The following ATXN2 variants were observed in gnomAD, a reference collection of about 807,000 sequenced individuals.
The protein encoded by ATXN2 is ataxin-2.
Under a neutral mutation model 138.6 loss-of-function variants are expected in ATXN2, and 37 were observed. The observed-to-expected ratio is 0.27, with a 90% confidence interval of 0.21 to 0.35. The LOEUF (loss-of-function observed/expected upper bound fraction) is 0.35. Ranked by LOEUF, ATXN2 falls within the 10% of genes least tolerant of loss-of-function variation. The pLI is 1.00. For synonymous variants in ATXN2, 549 were observed against 543.7 expected (o/e 1.01, Z -0.13); for missense variants, 1,216 against 1,480.3 (o/e 0.82, Z 2.93).
chr12:111,526,090 G>C (rs1880480285), intron 5 of ATXN2, among the ~76,000 whole-genome samples: 1 of 151,730 alleles, frequency 6.6e-6, no homozygotes, highest in African/African-American at 2.4e-5. Context: ...AGATGTGGTG[G>C]CTCATGCCTG....
chr12:111,528,792 G>T (rs1309993957), intron 5 of ATXN2, among the ~76,000 whole-genome samples: 1 of 152,148 alleles, frequency 6.6e-6, no homozygotes, highest in African/African-American at 2.4e-5. Context: ...TCAGGATGCT[G>T]AGAAAATCCC....
chr12:111,568,642 T>G (rs1260043903), intron 1 of ATXN2, among the ~76,000 whole-genome samples: 1 of 152,186 alleles, frequency 6.6e-6, no homozygotes, highest in African/African-American at 2.4e-5. Flanking sequence ...TTCTTGTTAG[T>G]TACCAACTTA....
At position 111,452,491 on chromosome 12, in the gene ATXN2, G is replaced by T; in HGVS notation, c.*321C>A. 5.5e-6 allele frequency: 1 copy of T among 183,036 alleles called. No homozygotes were observed. The allele number at this position is 183,036 out of a possible 1,614,324, so 11.3% of individuals were successfully genotyped here. On this transcript the variant is annotated 3_prime_UTR_variant, in exon 25 of 25. Coordinates refer to ENST00000673436, the MANE Select transcript of ATXN2 (RefSeq NM_001372574.1). ...AAGAATCACTCTTGTTACTTCTTTT[G>T]CTAGCTGATGTGTTCATGACTTTCA...
At chr12:111,543,570 A>T (rs1473234619) in intron 5 of ATXN2, among the ~76,000 whole-genome samples, 2 of 152,096 alleles carry the variant, frequency 1.3e-5, no homozygotes, top group Non-Finnish European at 2.9e-5. Flanking sequence ...AGTAGCTGGG[A>T]TTAGAGGCGC....
intron 18 of ATXN2, among the ~76,000 whole-genome samples, chr12:111,475,605 C>T (rs1876756687): frequency 6.7e-6 from 1 of 149,892 alleles, no homozygotes; most frequent in Non-Finnish European, 1.5e-5. Context: ...ATTCTTCTGC[C>T]TCAGTCTCCC....
intron 11 of ATXN2, chr12:111,512,451 C>CT (rs559068103): frequency 0.092 from 11,001 of 120,124 alleles, 1,837 homozygotes; most frequent in African/African-American, 0.31. Context: ...AGTTTTTAAA[C>CT]TTTTTTTTTT....
intron 2 of ATXN2, 42 bp downstream of exon 2, chr12:111,555,841 A>T: frequency 6.6e-7 from 1 of 1,524,580 alleles, no homozygotes; most frequent in Non-Finnish European, 8.9e-7. Context: ...ATCATGTTTT[A>T]GCTACTAATT....
intron 20 of ATXN2, 64 bp from the exon 21 acceptor site, chr12:111,464,779 A>C: frequency 2.4e-6 from 3 of 1,267,878 alleles, no homozygotes; most frequent in Admixed American, 1.8e-5. Flanking sequence ...AATTTTCTGG[A>C]AAGGTTGACA....
chr12:111,469,994 T>C, intron 20 of ATXN2, 114 bp downstream of exon 20: 5 of 1,246,068 alleles, frequency 4.0e-6, no homozygotes, highest in Non-Finnish European at 5.4e-6. Flanking sequence ...TCCTTCAGAT[T>C]CTTGACCCTC....
At chr12:111,463,818 G>A (rs1359596097) in intron 21 of ATXN2, among the ~76,000 whole-genome samples, 6 of 151,864 alleles carry the variant, frequency 4.0e-5, no homozygotes, top group African/African-American at 1.2e-4. Flanking sequence ...ACAGAATTTC[G>A]CTCTGCCACC....
chr12:111,598,516 G>A lies in ATXN2; in HGVS notation c.251+268C>T. Reference sequence around the variant, plus strand: ...AACCCCTCCCAACACGCGTGGGGAGGGGAGGCCGCCCGCTCCCTCCATCTT... The same window carrying A: ...AACCCCTCCCAACACGCGTGGGGAGAGGAGGCCGCCCGCTCCCTCCATCTT... On this transcript the variant is annotated intron_variant, in intron 1 of 24. Transcript: ENST00000673436. This position sits in a 1 kb window ranked among gnomAD's most constrained non-coding sequence, Gnocchi z 4.5. 4 of 984,600 alleles carry A rather than the reference G, an allele frequency of 4.1e-6. No homozygotes were observed. The highest frequency in any genetic ancestry group is 4.8e-6 in the Non-Finnish European group (4 of 829,714). 61.0% of individuals were successfully genotyped at this position (984,600 alleles called of 1,614,324 possible).
At chr12:111,546,509 T>C (rs1223151463) in intron 5 of ATXN2, among the ~76,000 whole-genome samples, 1 of 152,032 alleles carries the variant, frequency 6.6e-6, no homozygotes, top group African/African-American at 2.4e-5. Flanking sequence ...TCATCTAGGC[T>C]GAGAATACTG....
Position 111,470,696 on chromosome 12 carries a change from G to A in ATXN2, c.2571C>T (p.Ala857=), listed in dbSNP as rs765970147. The A allele has an allele frequency of 6.2e-7, 1 of 1,614,100 alleles. No homozygotes were observed. The highest frequency in any genetic ancestry group is 1.1e-5 in the South Asian group (1 of 91,080). ...CCGCTGCTGACGCTGGGTGCATCATGGCACTCTGATGATGCTGGTCTTGCC... is the reference window on the plus strand; with the variant it reads ...CCGCTGCTGACGCTGGGTGCATCATAGCACTCTGATGATGCTGGTCTTGCC... The part of the protein sequence containing the change: ...QQRQDQHHQS[A]MMHPASAAGP... The change falls in exon 19 of 25, where the codon GCC becomes GCT. Residue 857 remains alanine (A), a synonymous_variant. Transcript: ENST00000673436.
intron 5 of ATXN2, among the ~76,000 whole-genome samples, chr12:111,534,834 C>G (rs1277193614): frequency 6.6e-6 from 1 of 152,120 alleles, no homozygotes; most frequent in Admixed American, 6.6e-5. Context: ...CTATTCTATA[C>G]TAAAAAGAAA....
chr12:111,499,975 C>G (rs989943921), intron 14 of ATXN2, among the ~76,000 whole-genome samples: 1 of 152,138 alleles, frequency 6.6e-6, no homozygotes, highest in African/African-American at 2.4e-5. Context: ...ATGCTGGTAA[C>G]GATGTGGATA....
In ATXN2 at chr12:111,453,705, C is replaced by T; in HGVS notation, c.3411G>A (p.Ala1137=). ...ALQPIPVSTT[A]HFPYMTHPSV... ...AAGGGTGCGTCATATAGGGGAAATG[C>T]GCTGTTGTCGAGACTGGAATGGGCT... Residue 1137 remains alanine, a synonymous_variant, in exon 24 of 25, where the codon GCG becomes GCA. Transcript: ENST00000673436. The surrounding 1 kb of genome is among the most constrained non-coding windows in gnomAD (Gnocchi z 5.4). 4 of 1,611,434 alleles carry T rather than the reference C, an allele frequency of 2.5e-6. No individual in the cohort carries two copies. Among genetic ancestry groups the T allele is most frequent in the East Asian group, 2.2e-5 (1 of 44,774 alleles).
At chr12:111,463,752 TG>T (rs1193704626) in intron 21 of ATXN2, among the ~76,000 whole-genome samples, 2 of 152,122 alleles carry the variant, frequency 1.3e-5, no homozygotes, top group African/African-American at 4.8e-5. Context: ...CATGATCTCT[TG>T]CTTAAGCTCA....
chr12:111,536,136 T>C (rs1881159545), intron 5 of ATXN2, among the ~76,000 whole-genome samples: 1 of 152,090 alleles, frequency 6.6e-6, no homozygotes, highest in Non-Finnish European at 1.5e-5. Flanking sequence ...GAGCAAGGGA[T>C]GAGATGATCT....
Position 111,453,183 on chromosome 12 carries a change from T to A in ATXN2, c.3440-343A>T. The A allele has an allele frequency of 8.9e-7, 1 of 1,128,080 alleles. No individual in the cohort carries two copies. The highest frequency in any genetic ancestry group is 3.2e-5 in the South Asian group (1 of 30,816). The allele number at this position is 1,128,080 out of a possible 1,614,324, so 69.9% of individuals were successfully genotyped here. ...CTGTGAAGTATCGCCATGGCAGCCA[T>A]CAAGTAGTAGAGCACAATCACAGGG... On this transcript the variant is annotated intron_variant, in intron 24 of 24. Transcript: ENST00000673436. The surrounding 1 kb of genome is among the most constrained non-coding windows in gnomAD (Gnocchi z 5.4).
Sources: allele counts gnomAD v4.1 joint callset (sites outside exome capture counted in the v4.1 genomes callset), GRCh38; gene constraint gnomAD v4.1.1; non-coding constraint Gnocchi (gnomAD v3.1); transcripts MANE v1.5; gene names NCBI Gene and HGNC (gene_info 2026-07-23, HGNC 2026-07-21).